The following ZNF564 variants were observed in gnomAD, a reference collection of about 807,000 sequenced individuals.
The protein encoded by ZNF564 is zinc finger protein 564.
In ZNF564, 5 loss-of-function variants were observed where a neutral mutation model predicts 10.5. The ratio of observed to expected loss-of-function variants is 0.48; its 90% CI spans 0.25 to 1.00. The LOEUF is 1.00. ZNF564 is among the 50% of genes least tolerant of loss of function. The probability of loss-of-function intolerance (pLI) is 0.16; values close to 1 mark genes in which losing one functional copy is unlikely to be tolerated. For missense variants in ZNF564, 603 were observed against 669.7 expected (o/e 0.90, Z 1.10); for synonymous variants, 242 against 218.1 (o/e 1.11, Z -0.97).
At chr19:12,528,057 G>T in intron 3 of ZNF564, 141 bp from the exon 4 acceptor site, 2 of 994,756 alleles carry the variant, frequency 2.0e-6, no homozygotes, top group Non-Finnish European at 3.0e-6. Flanking sequence ...TGGATGGAAT[G>T]CTCTGCAAGA....
chr19:12,539,651 G>C (rs1231710564), intron 1 of ZNF564, among the ~76,000 whole-genome samples: 5 of 147,324 alleles, frequency 3.4e-5, no homozygotes, highest in African/African-American at 1.2e-4. Context: ...CTGGGCGACA[G>C]AGCGACAATT....
chr19:12,538,275 T>C (rs1034086254), intron 1 of ZNF564, among the ~76,000 whole-genome samples: 4 of 151,804 alleles, frequency 2.6e-5, no homozygotes, highest in East Asian at 1.9e-4. Flanking sequence ...GACTGCTTAA[T>C]GCCAAGGAGT....
In ZNF564 at chr19:12,528,698, TAA is replaced by T; in HGVS notation, c.4-4_4-3del. The T allele has an allele frequency of 6.2e-7, 1 of 1,607,056 alleles. No homozygotes were observed. Among genetic ancestry groups the T allele is most frequent in the Non-Finnish European group, 8.5e-7 (1 of 1,178,334 alleles). On this transcript the variant is annotated splice_region_variant and splice_polypyrimidine_tract_variant and intron_variant, in intron 1 of 3. Coordinates refer to ENST00000339282, the MANE Select transcript of ZNF564 (RefSeq NM_144976.4). The stretch of plus-strand genomic sequence containing the variant: ...CACATCCTCAGAGGCCACTGAGTCC[TAA>T]AACATCCCAAATATGCAATGCAGGA...
At chr19:12,533,878 A>T (rs1458032104) in intron 1 of ZNF564, among the ~76,000 whole-genome samples, 1 of 94,736 alleles carries the variant, frequency 1.1e-5, no homozygotes, top group African/African-American at 4.1e-5. Flanking sequence ...AATAGAGATT[A>T]AAAAAAAAAA....
At chr19:12,537,169 C>T (rs2021932179) in intron 1 of ZNF564, among the ~76,000 whole-genome samples, 1 of 152,194 alleles carries the variant, frequency 6.6e-6, no homozygotes, top group Admixed American at 6.5e-5. Context: ...TTATATTCCA[C>T]TGGATGGATA....
rs777365505 is a variant in ZNF564 at position 12,526,542 on chromosome 19, T to C, written c.1566A>G (p.Arg522=). The stretch of plus-strand genomic sequence containing the variant: ...TATCTCCATTATGAGCTCTTTCATG[T>C]CTTTGAAAGGAACTGGAATAACTGA... ...KTFSYSSSFQ[R]HERAHNGDKP... Residue 522 remains arginine, a synonymous_variant, in exon 4 of 4, where the codon AGA becomes AGG. Coordinates refer to ENST00000339282, the MANE Select transcript of ZNF564 (RefSeq NM_144976.4). 1.9e-6 allele frequency: 3 copies of C among 1,613,878 alleles called. No individual in the cohort carries two copies. The highest frequency in any genetic ancestry group is 1.7e-5 in the Admixed American group (1 of 59,974).
At chr19:12,539,444 G>A (rs1218225850) in intron 1 of ZNF564, among the ~76,000 whole-genome samples, 3 of 150,864 alleles carry the variant, frequency 2.0e-5, no homozygotes, top group South Asian at 4.2e-4. Flanking sequence ...TGGATCACAA[G>A]GTCAGGAGTT....
Position 12,527,222 on chromosome 19 carries a change from A to G in ZNF564, c.886T>C (p.Phe296Leu), listed in dbSNP as rs754434744. Residue 296 changes from phenylalanine (F) to leucine (L), a missense_variant, in exon 4 of 4, where the codon TTT becomes CTT. Coordinates refer to ENST00000339282, the MANE Select transcript of ZNF564 (RefSeq NM_144976.4). ...CGKAFISFTN[F>L]QSHMIRHTGD... ...GTGTGCCTAATCATATGACTTTGAA[A>G]ATTTGTGAAAGAAATGAAGGCCTTC... 1 of 1,613,892 alleles carries G rather than the reference A, an allele frequency of 6.2e-7. No individual in the cohort carries two copies. Among genetic ancestry groups the G allele is most frequent in the Admixed American group, 1.7e-5 (1 of 59,984 alleles).
chr19:12,527,093 A>G lies in ZNF564; in HGVS notation c.1015T>C (p.Cys339Arg), dbSNP rs1313523788. The change falls in exon 4 of 4, where the codon TGT (cysteine) becomes CGT (arginine). Residue 339 changes from cysteine (C) to arginine (R), a missense_variant. By Grantham distance (180) the Cys-to-Arg change is radical. Coordinates refer to ENST00000339282, the MANE Select transcript of ZNF564 (RefSeq NM_144976.4). ...CTGAAGGTTTTACCACATTTATTAC[A>G]TTCATAGGGTTTCTCCCCAGTATGA... ...RTHTGEKPYECNKCGKTFSSS... is the reference protein window; with the variant it reads ...RTHTGEKPYERNKCGKTFSSS... 6.2e-7 allele frequency: 1 copy of G among 1,614,034 alleles called. No homozygotes were observed. Among genetic ancestry groups the G allele is most frequent in the African/African-American group, 1.3e-5 (1 of 74,922 alleles).
intron 1 of ZNF564, among the ~76,000 whole-genome samples, chr19:12,544,015 C>G (rs141957286): frequency 1.3e-5 from 2 of 152,130 alleles, no homozygotes; most frequent in Non-Finnish European, 2.9e-5. Flanking sequence ...TTACCAGACA[C>G]TACATCTGCC....
At chr19:12,549,292 C>A (rs534125879) in intron 1 of ZNF564, among the ~76,000 whole-genome samples, 1 of 152,150 alleles carries the variant, frequency 6.6e-6, no homozygotes, top group Admixed American at 6.5e-5. Context: ...GTTTACAAAC[C>A]CAGGGAGAGG....
rs573777178 is a variant in ZNF564, at chr19:12,525,498, G to C, written c.*948C>G. On this transcript the variant is annotated 3_prime_UTR_variant, in exon 4 of 4. Coordinates refer to ENST00000339282, the MANE Select transcript of ZNF564 (RefSeq NM_144976.4). Reference sequence around the variant, plus strand: ...TTCCACATCCTTGACAGTATTTCTTGTTTTCCATCTTTGATACTACTAATC... The same window carrying C: ...TTCCACATCCTTGACAGTATTTCTTCTTTTCCATCTTTGATACTACTAATC... The C allele has an allele frequency of 1.6e-4, 24 of 152,250 alleles. No homozygotes were observed. Among genetic ancestry groups the C allele is most frequent in the African/African-American group, 4.8e-4 (20 of 41,518 alleles). The allele number at this position is 152,250 out of a possible 1,614,324, so 9.4% of individuals were successfully genotyped here.
chr19:12,533,633 A>C (rs550036392), intron 1 of ZNF564, among the ~76,000 whole-genome samples: 1 of 151,580 alleles, frequency 6.6e-6, no homozygotes, highest in South Asian at 2.1e-4. Flanking sequence ...AGGCTGAGAT[A>C]CAAGAATCAC....
rs539030037 is a variant in ZNF564, at chr19:12,543,028, C to T, written c.3+8302G>A. Among the ~76,000 whole-genome samples, 240 of 151,890 alleles carry T rather than the reference C, an allele frequency of 1.6e-3. 5 individuals are homozygous for T. The South Asian group carries it at 0.036, about 23-fold the overall frequency. On this transcript the variant is annotated intron_variant, in intron 1 of 3. Transcript: ENST00000339282. ...AAAAAAGAAAAGAAGGGGCCGGGCG[C>T]GGTGGCTCACGCCTGTAATCCCAGC...
At chr19:12,538,386 G>T (rs911306401) in intron 1 of ZNF564, among the ~76,000 whole-genome samples, 16 of 152,118 alleles carry the variant, frequency 1.1e-4, no homozygotes, top group African/African-American at 3.6e-4. Context: ...AGCACTTTGG[G>T]AGGCCAAGGT....
At chr19:12,546,862 TCTC>T (rs1480163616) in intron 1 of ZNF564, among the ~76,000 whole-genome samples, 5 of 152,250 alleles carry the variant, frequency 3.3e-5, no homozygotes, top group East Asian at 1.9e-4. Context: ...GTTAAGTTTC[TCTC>T]CTCCTTTCAG....
At chr19:12,543,410 C>T (rs2022096043) in intron 1 of ZNF564, among the ~76,000 whole-genome samples, 1 of 151,458 alleles carries the variant, frequency 6.6e-6, no homozygotes, top group Non-Finnish European at 1.5e-5. Flanking sequence ...GGTGCAGTGG[C>T]TCATGCCTGT....
chr19:12,546,489 G>T (rs1271418932), intron 1 of ZNF564, among the ~76,000 whole-genome samples: 1 of 152,188 alleles, frequency 6.6e-6, no homozygotes, highest in South Asian at 2.1e-4. Flanking sequence ...AGCACTCTGG[G>T]AGGCCGAGGT....
Position 12,526,849 on chromosome 19 carries a change from G to C in ZNF564, c.1259C>G (p.Pro420Arg). ...IHERTHTGEK[P>R]YECQVCGKAF... ...TTTCCCACATACCTGACATTCATAG[G>C]GTTTCTCTCCAGTGTGAGTTCTTTC... Residue 420 changes from proline (P) to arginine (R), a missense_variant, in exon 4 of 4, where the codon CCC (proline) becomes CGC (arginine). Coordinates refer to ENST00000339282, the MANE Select transcript of ZNF564 (RefSeq NM_144976.4). 1.2e-6 allele frequency: 2 copies of C among 1,614,042 alleles called. No individual in the cohort carries two copies. Among genetic ancestry groups the C allele is most frequent in the South Asian group, 2.2e-5 (2 of 91,070 alleles).
Sources: allele counts gnomAD v4.1 joint callset (sites outside exome capture counted in the v4.1 genomes callset), GRCh38; gene constraint gnomAD v4.1.1; transcripts MANE v1.5; gene names NCBI Gene and HGNC (gene_info 2026-07-23, HGNC 2026-07-21).